Variants in PTPRD observed in about 807,000 individuals in gnomAD.
PTPRD encodes receptor-type tyrosine-protein phosphatase delta.
PTPRD carries 34 observed loss-of-function variants against 214.5 expected under a neutral mutation model. The ratio of observed to expected loss-of-function variants is 0.16; its 90% CI spans 0.12 to 0.21. PTPRD has a LOEUF of 0.21. PTPRD is among the 10% of genes least tolerant of loss of function. PTPRD has a pLI of 1.00. For synonymous variants in PTPRD, 1,128 were observed against 845.7 expected (o/e 1.33, Z -5.79); for missense variants, 2,545 against 2,398.7 (o/e 1.06, Z -1.27).
intron 2 of PTPRD, among the ~76,000 whole-genome samples, chr9:10,423,527 T>C (rs1017485469): frequency 6.6e-6 from 1 of 151,964 alleles, no homozygotes; most frequent in Non-Finnish European, 1.5e-5. Flanking sequence ...TACACAAAGA[T>C]ATGCTAGTAT....
chr9:9,357,655 A>C (rs182187011), intron 9 of PTPRD, among the ~76,000 whole-genome samples: 40 of 151,186 alleles, frequency 2.6e-4, no homozygotes, highest in Non-Finnish European at 4.5e-4. Context: ...TCTTTTGGCT[A>C]TAAGGTACCA....
chr9:9,188,083 A>C (rs1463457890), intron 9 of PTPRD, among the ~76,000 whole-genome samples: 4 of 151,992 alleles, frequency 2.6e-5, no homozygotes, highest in Non-Finnish European at 4.4e-5. Flanking sequence ...TCCTCACCAA[A>C]GGTAAACAAA....
chr9:8,350,069 A>G (rs2075013990), intron 39 of PTPRD, among the ~76,000 whole-genome samples: 2 of 152,108 alleles, frequency 1.3e-5, no homozygotes, highest in South Asian at 2.1e-4. Flanking sequence ...ATCCAGTTAC[A>G]ACATTTGTTT....
At chr9:9,977,113 A>G (rs6477436) in intron 4 of PTPRD, among the ~76,000 whole-genome samples, 125,913 of 152,066 alleles carry the variant, frequency 0.83, 52,727 homozygotes, top group Middle Eastern at 0.91. Context: ...TAAGAGCATT[A>G]TGTTAAGTTT....
At chr9:10,123,871 A>T (rs1329258229) in intron 3 of PTPRD, among the ~76,000 whole-genome samples, 1 of 152,184 alleles carries the variant, frequency 6.6e-6, no homozygotes, top group Non-Finnish European at 1.5e-5. Context: ...TCACATCCAT[A>T]GTGCTAAGTC....
intron 8 of PTPRD, among the ~76,000 whole-genome samples, chr9:9,536,761 C>A (rs1481056888): frequency 6.6e-6 from 1 of 152,014 alleles, no homozygotes; most frequent in Non-Finnish European, 1.5e-5. Context: ...AGTGACATAT[C>A]AACACTAAGA....
intron 11 of PTPRD, among the ~76,000 whole-genome samples, chr9:8,832,514 A>T (rs1242767701): frequency 2.6e-5 from 4 of 151,188 alleles, no homozygotes; most frequent in African/African-American, 9.7e-5. Flanking sequence ...TATGGCAATT[A>T]CCAAAACAGC....
intron 2 of PTPRD, among the ~76,000 whole-genome samples, chr9:10,466,615 C>T (rs1303466523): frequency 9.8e-5 from 8 of 81,642 alleles, no homozygotes; most frequent in African/African-American, 3.6e-4. Flanking sequence ...AAGAGCGAAA[C>T]TCCAACTCAA....
intron 3 of PTPRD, among the ~76,000 whole-genome samples, chr9:10,303,008 G>C (rs1463577639): frequency 1.3e-5 from 2 of 152,122 alleles, no homozygotes; most frequent in Admixed American, 1.3e-4. Context: ...CACATAAGTG[G>C]AAGTAAAACA....
chr9:10,371,321 C>G (rs1598344283), intron 2 of PTPRD, among the ~76,000 whole-genome samples: 1 of 152,134 alleles, frequency 6.6e-6, no homozygotes, highest in East Asian at 1.9e-4. Flanking sequence ...GTTTATGCTA[C>G]TATCGTTGGC....
At chr9:8,557,865 G>T (rs996774587) in intron 14 of PTPRD, among the ~76,000 whole-genome samples, 1 of 147,318 alleles carries the variant, frequency 6.8e-6, no homozygotes, top group African/African-American at 2.5e-5. Context: ...TAAATTTGTA[G>T]GTATACATAT....
At chr9:10,127,810 T>G (rs1314815567) in intron 3 of PTPRD, among the ~76,000 whole-genome samples, 4 of 152,128 alleles carry the variant, frequency 2.6e-5, no homozygotes, top group African/African-American at 7.2e-5. Context: ...CTTTCTAACA[T>G]ATTTCTCTAG....
intron 4 of PTPRD, among the ~76,000 whole-genome samples, chr9:9,970,629 G>C (rs1009986585): frequency 6.6e-6 from 1 of 152,082 alleles, no homozygotes; most frequent in African/African-American, 2.4e-5. Flanking sequence ...GTATGGATCT[G>C]TCAAACGGTC....
intron 12 of PTPRD, among the ~76,000 whole-genome samples, chr9:8,682,628 T>G (rs943276131): frequency 6.6e-6 from 1 of 152,206 alleles, no homozygotes; most frequent in Non-Finnish European, 1.5e-5. Context: ...AGCCAAAATG[T>G]TATCCTAGTG....
intron 5 of PTPRD, among the ~76,000 whole-genome samples, chr9:9,831,048 A>G (rs962532872): frequency 3.3e-5 from 5 of 151,916 alleles, no homozygotes; most frequent in African/African-American, 1.2e-4. Flanking sequence ...GCATTTTAGC[A>G]TGGAAGGTGA....
intron 43 of PTPRD, among the ~76,000 whole-genome samples, chr9:8,333,268 T>C (rs950151530): frequency 6.6e-6 from 1 of 152,130 alleles, no homozygotes; most frequent in Admixed American, 6.5e-5. Flanking sequence ...AGCTAGGTAA[T>C]ACAGATTTAT....
At chr9:10,543,992 C>G (rs1012564872) in intron 2 of PTPRD, among the ~76,000 whole-genome samples, 1 of 152,128 alleles carries the variant, frequency 6.6e-6, no homozygotes, top group Admixed American at 6.6e-5. Flanking sequence ...GAATGCATGT[C>G]TCAAGATCTG....
At chr9:10,578,159 C>A (rs1023039265) in intron 2 of PTPRD, among the ~76,000 whole-genome samples, 1 of 152,032 alleles carries the variant, frequency 6.6e-6, no homozygotes, top group African/African-American at 2.4e-5. Context: ...ATCCACCTGC[C>A]TCGGCCTCCC....
intron 5 of PTPRD, among the ~76,000 whole-genome samples, chr9:9,836,238 G>A (rs1277541403): frequency 6.6e-6 from 1 of 152,278 alleles, no homozygotes; most frequent in African/African-American, 2.4e-5. Flanking sequence ...GTGAGCATAT[G>A]AGTGCTCCAT....
Sources: allele counts gnomAD v4.1 joint callset (sites outside exome capture counted in the v4.1 genomes callset), GRCh38; gene constraint gnomAD v4.1.1; transcripts MANE v1.5; gene names NCBI Gene and HGNC (gene_info 2026-07-23, HGNC 2026-07-21).